Variants in KCNMA1 observed in about 807,000 individuals in gnomAD.
The protein encoded by KCNMA1 is potassium calcium-activated channel subfamily M alpha 1.
Under a neutral mutation model 140.0 loss-of-function variants are expected in KCNMA1, and 29 were observed. The ratio of observed to expected loss-of-function variants is 0.21; its 90% CI spans 0.15 to 0.28. The LOEUF is 0.28. KCNMA1 is among the 10% of genes least tolerant of loss of function. KCNMA1 has a pLI of 1.00. For missense variants in KCNMA1, 880 were observed against 1,602.2 expected (o/e 0.55, Z 7.70); for synonymous variants, 612 against 611.9 (o/e 1.00, Z 0.00).
chr10:77,082,002 C>CTTTTGTTTTTTTTTTTT (rs772878572), intron 12 of KCNMA1, among the ~76,000 whole-genome samples: 1 of 51,650 alleles, frequency 1.9e-5, no homozygotes, highest in Non-Finnish European at 4.6e-5. Context: ...TTCTTTTTTT[C>CTTTTGTTTTTTTTTTTT]TTTTCTTTTT....
At chr10:77,320,235 C>A (rs1204685403) in intron 2 of KCNMA1, among the ~76,000 whole-genome samples, 2 of 151,508 alleles carry the variant, frequency 1.3e-5, no homozygotes, top group Non-Finnish European at 2.9e-5. Flanking sequence ...GAGTGTCTGG[C>A]ACAAAAGAAA....
intron 1 of KCNMA1, among the ~76,000 whole-genome samples, chr10:77,580,462 A>G (rs554842984): frequency 2.0e-5 from 3 of 152,324 alleles, no homozygotes; most frequent in East Asian, 3.9e-4. Context: ...TGATATTGGT[A>G]ACTGACTTTC....
intron 5 of KCNMA1, among the ~76,000 whole-genome samples, chr10:77,159,356 A>C (rs1330045769): frequency 1.3e-5 from 2 of 151,868 alleles, no homozygotes; most frequent in African/African-American, 2.4e-5. Flanking sequence ...TTTTTTGTTA[A>C]ATTACTAGCA....
chr10:77,328,626 G>C (rs879921445), intron 2 of KCNMA1, among the ~76,000 whole-genome samples: 1 of 152,186 alleles, frequency 6.6e-6, no homozygotes, highest in Non-Finnish European at 1.5e-5. Flanking sequence ...AGACTGACGG[G>C]TGGTCATGAC....
chr10:77,157,991 T>C (rs920787735), intron 5 of KCNMA1, among the ~76,000 whole-genome samples: 1 of 152,078 alleles, frequency 6.6e-6, no homozygotes, highest in Non-Finnish European at 1.5e-5. Flanking sequence ...AGCAAAGAAT[T>C]AAGAATCAGA....
At chr10:77,533,689 C>T (rs1292372315) in intron 1 of KCNMA1, among the ~76,000 whole-genome samples, 1 of 152,134 alleles carries the variant, frequency 6.6e-6, no homozygotes, top group Non-Finnish European at 1.5e-5. Context: ...CCAAATATCC[C>T]TCTGATAAAA....
intron 1 of KCNMA1, among the ~76,000 whole-genome samples, chr10:77,505,244 G>C (rs1349196351): frequency 6.6e-6 from 1 of 152,226 alleles, no homozygotes; most frequent in Admixed American, 6.5e-5. Context: ...AGTGAGTACA[G>C]GGCAAATAGC....
chr10:76,897,180 G>A (rs2042950685), intron 25 of KCNMA1, among the ~76,000 whole-genome samples: 2 of 151,866 alleles, frequency 1.3e-5, no homozygotes, highest in East Asian at 1.9e-4. Flanking sequence ...GTGATAAACA[G>A]TAAGTATTTA....
intron 25 of KCNMA1, among the ~76,000 whole-genome samples, chr10:76,893,937 C>T (rs183016011): frequency 4.2e-4 from 64 of 152,124 alleles, no homozygotes; most frequent in Admixed American, 7.8e-4. Context: ...TATGTAATAC[C>T]TATCAAAATC....
intron 1 of KCNMA1, among the ~76,000 whole-genome samples, chr10:77,548,064 T>C (rs931982186): frequency 2.6e-5 from 4 of 152,168 alleles, no homozygotes; most frequent in Non-Finnish European, 4.4e-5. Context: ...GTTAGGCCTA[T>C]TTCTTGAGCC....
At chr10:77,579,151 A>C (rs2075119013) in intron 1 of KCNMA1, among the ~76,000 whole-genome samples, 1 of 152,248 alleles carries the variant, frequency 6.6e-6, no homozygotes, top group African/African-American at 2.4e-5. Flanking sequence ...TGTCTAGCCA[A>C]GGAAGCAGCA....
intron 1 of KCNMA1, among the ~76,000 whole-genome samples, chr10:77,554,364 A>C (rs2063612105): frequency 6.6e-6 from 1 of 152,146 alleles, no homozygotes; most frequent in Non-Finnish European, 1.5e-5. Flanking sequence ...TGGGAGAACA[A>C]GGCAGGCAGC....
chr10:76,900,780 G>T (rs557987409), intron 25 of KCNMA1, among the ~76,000 whole-genome samples: 1 of 151,942 alleles, frequency 6.6e-6, no homozygotes, highest in African/African-American at 2.4e-5. Context: ...ATGACAATCG[G>T]CATTTGCCAT....
intron 25 of KCNMA1, among the ~76,000 whole-genome samples, chr10:76,895,201 T>A (rs2041990621): frequency 6.6e-6 from 1 of 152,066 alleles, no homozygotes; most frequent in Non-Finnish European, 1.5e-5. Flanking sequence ...CGCACCCCCT[T>A]AGAGTTGTGA....
At chr10:77,003,721 C>A (rs1328906848) in intron 18 of KCNMA1, among the ~76,000 whole-genome samples, 2 of 152,096 alleles carry the variant, frequency 1.3e-5, no homozygotes, top group Non-Finnish European at 2.9e-5. Flanking sequence ...TTCCATACTG[C>A]CATTTTGGGT....
At chr10:77,381,006 A>G (rs1364432794) in intron 2 of KCNMA1, among the ~76,000 whole-genome samples, 2 of 152,152 alleles carry the variant, frequency 1.3e-5, no homozygotes, top group Non-Finnish European at 2.9e-5. Context: ...TTAGATTCCC[A>G]TTTGGAGTGG....
chr10:76,922,474 G>A (rs771765244), intron 23 of KCNMA1, among the ~76,000 whole-genome samples: 24 of 152,134 alleles, frequency 1.6e-4, no homozygotes, highest in Non-Finnish European at 2.9e-4. Flanking sequence ...TCACAGGGCC[G>A]CTGATGGTCC....
At chr10:77,333,406 A>T (rs1053523701) in intron 2 of KCNMA1, among the ~76,000 whole-genome samples, 1 of 89,744 alleles carries the variant, frequency 1.1e-5, no homozygotes, top group Non-Finnish European at 3.3e-5. Flanking sequence ...GAAAGAAAAG[A>T]AAAGAAAAGA....
At chr10:77,224,863 A>G (rs974271991) in intron 3 of KCNMA1, among the ~76,000 whole-genome samples, 5 of 152,174 alleles carry the variant, frequency 3.3e-5, no homozygotes, top group African/African-American at 1.2e-4. Context: ...TAATATAAAG[A>G]AAATGCTTAG....
Sources: allele counts gnomAD v4.1 joint callset (sites outside exome capture counted in the v4.1 genomes callset), GRCh38; gene constraint gnomAD v4.1.1; transcripts MANE v1.5; gene names NCBI Gene and HGNC (gene_info 2026-07-23, HGNC 2026-07-21).